The following PAH variants were observed in gnomAD, a reference collection of about 807,000 sequenced individuals.
PAH encodes the protein phenylalanine hydroxylase.
In PAH, 64 loss-of-function variants were observed where a neutral mutation model predicts 62.0. The ratio of observed to expected loss-of-function variants is 1.03; its 90% CI spans 0.84 to 1.27. The LOEUF (loss-of-function observed/expected upper bound fraction) is 1.27. PAH is among the 50% of genes most tolerant of loss of function. The pLI, the probability that PAH is intolerant of heterozygous loss-of-function variation, is 0.00. For missense variants in PAH, 579 were observed against 542.8 expected (o/e 1.07, Z -0.66); for synonymous variants, 195 against 196.2 (o/e 0.99, Z 0.05).
intron 2 of PAH, among the ~76,000 whole-genome samples, chr12:102,895,550 T>A (rs1187152997): frequency 6.6e-6 from 1 of 152,050 alleles, no homozygotes; most frequent in East Asian, 1.9e-4. Flanking sequence ...TAATTACCAC[T>A]AATATATTTA....
chr12:102,900,164 C>G (rs1264407367), intron 2 of PAH, among the ~76,000 whole-genome samples: 1 of 150,794 alleles, frequency 6.6e-6, no homozygotes, highest in Non-Finnish European at 1.5e-5. Flanking sequence ...ATTCTCCTGC[C>G]TCAGCCTCAT....
In PAH at chr12:102,839,224, A is replaced by C; in HGVS notation, c.1316-6T>G. ...GCAAAGGATTCCAATTTCACCTACA[A>C]AGAAAAACACCATCAAAATGGGCCA... On this transcript the variant is annotated splice_region_variant and splice_polypyrimidine_tract_variant and intron_variant, in intron 12 of 12. Coordinates refer to ENST00000553106, the MANE Select transcript of PAH (RefSeq NM_000277.3). The C allele has an allele frequency of 6.2e-7, 1 of 1,613,730 alleles. No homozygotes were observed. The highest frequency in any genetic ancestry group is 1.1e-5 in the South Asian group (1 of 91,076).
At chr12:102,915,596 C>T (rs1008139881) in intron 1 of PAH, among the ~76,000 whole-genome samples, 1 of 152,238 alleles carries the variant, frequency 6.6e-6, no homozygotes, top group African/African-American at 2.4e-5. Context: ...GATCCCCCTT[C>T]ACTTGCTCCA....
In PAH at chr12:102,868,028, ATG is replaced by A. The variant is rs1565854585; in HGVS notation, c.442-1367_442-1366del. Among the ~76,000 whole-genome samples the A allele has an allele frequency of 4.3e-5, 6 of 138,394 alleles. 1 individual carries two copies. Among genetic ancestry groups the A allele is most frequent in the Admixed American group, 1.5e-4 (2 of 13,574 alleles). The allele number at this position is 138,394 out of a possible 152,430, so 90.8% of individuals were successfully genotyped here. On this transcript the variant is annotated intron_variant, in intron 4 of 12. Transcript: ENST00000553106. Reference sequence around the variant, plus strand: ...TGTATATACATATATACATATATACATGTATATACACCTATATATATGTATAT... The same window carrying A: ...TGTATATACATATATACATATATACATATATACACCTATATATATGTATAT...
chr12:102,850,047 G>A (rs1047924321), intron 8 of PAH, among the ~76,000 whole-genome samples: 2 of 152,188 alleles, frequency 1.3e-5, no homozygotes, highest in Non-Finnish European at 2.9e-5. Context: ...CTCTGACTTC[G>A]TAAACTAACT....
chr12:102,887,470 A>G (rs895642978), intron 3 of PAH, among the ~76,000 whole-genome samples: 2 of 151,936 alleles, frequency 1.3e-5, no homozygotes, highest in Admixed American at 6.6e-5. Context: ...GCTGCCACCA[A>G]CTCTTTATAT....
intron 8 of PAH, chr12:102,847,268 C>T (rs780423222): frequency 3.5e-5 from 14 of 397,792 alleles, no homozygotes; most frequent in Non-Finnish European, 5.7e-5. Context: ...TTGACTCCAG[C>T]TCAGTGATTA....
intron 2 of PAH, among the ~76,000 whole-genome samples, chr12:102,903,403 AAAC>A (rs1262993100): frequency 8.6e-6 from 1 of 116,522 alleles, no homozygotes; most frequent in Admixed American, 9.1e-5. Flanking sequence ...AAACAAAAAA[AAAC>A]AACCTTATGT....
intron 5 of PAH, among the ~76,000 whole-genome samples, chr12:102,865,225 G>GC (rs1875906025): frequency 6.6e-6 from 1 of 152,162 alleles, no homozygotes; most frequent in African/African-American, 2.4e-5. Flanking sequence ...CAGCAACCCA[G>GC]AAGTAAGTGA....
chr12:102,841,465 A>G (rs1434501274), intron 11 of PAH, among the ~76,000 whole-genome samples: 1 of 152,118 alleles, frequency 6.6e-6, no homozygotes, highest in Non-Finnish European at 1.5e-5. Context: ...GCCTCTGTCT[A>G]TTATGGCCCT....
At chr12:102,898,113 A>T (rs1237074120) in intron 2 of PAH, among the ~76,000 whole-genome samples, 5 of 152,262 alleles carry the variant, frequency 3.3e-5, no homozygotes, top group African/African-American at 1.2e-4. Flanking sequence ...TGCTGGAAGC[A>T]CTTGCTAAGC....
chr12:102,887,370 T>C (rs1162039989), intron 3 of PAH, among the ~76,000 whole-genome samples: 1 of 151,760 alleles, frequency 6.6e-6, no homozygotes, highest in Non-Finnish European at 1.5e-5. Context: ...TATTTGGAAA[T>C]GAGAGATCAT....
intron 8 of PAH, among the ~76,000 whole-genome samples, chr12:102,851,070 C>T (rs1448531176): frequency 7.2e-6 from 1 of 139,330 alleles, no homozygotes; most frequent in African/African-American, 2.8e-5. Flanking sequence ...GCCTGGGTGA[C>T]AGAGTGAGAC....
At chr12:102,955,082 C>G (rs933045855), upstream of PAH, among the ~76,000 whole-genome samples, 1 of 152,242 alleles carries the variant, frequency 6.6e-6, no homozygotes, top group African/African-American at 2.4e-5. Context: ...AGGATCCCAG[C>G]AACGACTGTC....
At chr12:102,876,008 T>C (rs921823243) in intron 4 of PAH, among the ~76,000 whole-genome samples, 3 of 151,352 alleles carry the variant, frequency 2.0e-5, no homozygotes, top group African/African-American at 7.3e-5. Flanking sequence ...TATTGATTTA[T>C]TGATTATTTT....
chr12:102,869,264 C>G (rs889205203), intron 4 of PAH, among the ~76,000 whole-genome samples: 1 of 152,094 alleles, frequency 6.6e-6, no homozygotes, highest in South Asian at 2.1e-4. Context: ...AAAATAAAAG[C>G]TAATGTAATA....
At chr12:102,839,684 G>T (rs951028402) in intron 12 of PAH, among the ~76,000 whole-genome samples, 1 of 152,206 alleles carries the variant, frequency 6.6e-6, no homozygotes, top group Non-Finnish European at 1.5e-5. Flanking sequence ...CTTTTCATTT[G>T]ATTCTGATGC....
intron 1 of PAH, among the ~76,000 whole-genome samples, chr12:102,937,973 G>A (rs564518414): frequency 1.3e-5 from 2 of 152,200 alleles, no homozygotes; most frequent in South Asian, 4.1e-4. Flanking sequence ...TTTTCCAGAG[G>A]GTAGGTGCCA....
Position 102,839,061 on chromosome 12 carries a change from T to C in PAH, c.*114A>G. 1.1e-6 allele frequency: 1 copy of C among 885,388 alleles called. No individual in the cohort carries two copies. Among genetic ancestry groups the C allele is most frequent in the Non-Finnish European group, 1.9e-6 (1 of 532,350 alleles). The allele number at this position is 885,388 out of a possible 1,614,324, so 54.8% of individuals were successfully genotyped here. On this transcript the variant is annotated 3_prime_UTR_variant, in exon 13 of 13. Coordinates refer to ENST00000553106, the MANE Select transcript of PAH (RefSeq NM_000277.3). ...TGTTGTTTCTCCATCTTGTAAAGGA[T>C]TTAAGGCTGTTATTTCAAATTAAGG...
Sources: allele counts gnomAD v4.1 joint callset (sites outside exome capture counted in the v4.1 genomes callset), GRCh38; gene constraint gnomAD v4.1.1; transcripts MANE v1.5; gene names NCBI Gene and HGNC (gene_info 2026-07-23, HGNC 2026-07-21).